Variants in RYR2 observed in about 807,000 individuals in gnomAD.
RYR2 encodes the protein ryanodine receptor 2.
A neutral mutation model predicts 601.1 loss-of-function variants in RYR2; 227 were observed. That is an observed-to-expected ratio of 0.38 (90% CI 0.34 to 0.42). The LOEUF (loss-of-function observed/expected upper bound fraction) is 0.42, where lower values mean the gene tolerates loss of function less well. Among genes scored for constraint, RYR2 ranks in the 10% least tolerant of loss-of-function variants. The pLI, the probability that RYR2 is intolerant of heterozygous loss-of-function variation, is 1.00. For missense variants in RYR2, 4,646 were observed against 6,156.5 expected, an observed-to-expected ratio of 0.75 and a Z score of 8.21; for synonymous variants, 2,223 against 2,175.1, an observed-to-expected ratio of 1.02 and a Z score of -0.61.
intron 1 of RYR2, among the ~76,000 whole-genome samples, chr1:237,121,857 T>C (rs1670821194): frequency 6.6e-6 from 1 of 152,238 alleles, no homozygotes; most frequent in Admixed American, 6.5e-5. Context: ...TTAGATGTGG[T>C]GTATTTGATA....
At chr1:237,522,437 T>G (rs1455618521) in intron 24 of RYR2, among the ~76,000 whole-genome samples, 2 of 152,242 alleles carry the variant, frequency 1.3e-5, no homozygotes, top group Non-Finnish European at 1.5e-5. Context: ...AGATCTAAGG[T>G]CAGGTTCACT....
chr1:237,719,329 A>G (rs186392595), intron 73 of RYR2, among the ~76,000 whole-genome samples: 1 of 152,264 alleles, frequency 6.6e-6, no homozygotes, highest in Admixed American at 6.5e-5. Context: ...TCTATAGGTG[A>G]ATTAGGCCAT....
Position 237,180,614 on chromosome 1 carries a change from A to G in RYR2, c.49-89883A>G, listed in dbSNP as rs200199521. ...TATATATAAGTATATATATGTATAT[A>G]TGTATATATGTATATGTGTATATAT... is the stretch of plus-strand genomic sequence containing the variant. On this transcript the variant is annotated intron_variant, in intron 1 of 104. Transcript: ENST00000366574. This position sits in a 1 kb window ranked among gnomAD's most constrained non-coding sequence, Gnocchi z 5.3. 4.6e-5 allele frequency among the ~76,000 whole-genome samples: 2 copies of G among 43,152 alleles called. No homozygotes were observed. The highest frequency in any genetic ancestry group is 3.4e-4 in the Admixed American group (1 of 2,930). 28.3% of individuals were successfully genotyped at this position (43,152 alleles called of 152,430 possible).
chr1:237,584,647 C>CTGTTTTTTGTTTTT (rs138942009), intron 29 of RYR2, among the ~76,000 whole-genome samples: 23 of 75,768 alleles, frequency 3.0e-4, no homozygotes, highest in East Asian at 8.7e-4. Flanking sequence ...AGCTCACCAC[C>CTGTTTTTTGTTTTT]TGTTTTTTTT....
At chr1:237,723,041 T>G in intron 73 of RYR2, 87 bp from the exon 74 acceptor site, 3 of 1,169,122 alleles carry the variant, frequency 2.6e-6, no homozygotes, top group Non-Finnish European at 3.6e-6. Flanking sequence ...CAATAAATAA[T>G]GATGGGTGGA....
intron 1 of RYR2, among the ~76,000 whole-genome samples, chr1:237,158,921 G>A (rs1256376808): frequency 6.6e-6 from 1 of 152,246 alleles, no homozygotes; most frequent in Non-Finnish European, 1.5e-5. Flanking sequence ...GTTCTGATGT[G>A]ATGTGATCTG....
intron 1 of RYR2, among the ~76,000 whole-genome samples, chr1:237,127,748 G>GGTC (rs1405203224): frequency 6.6e-6 from 1 of 151,388 alleles, no homozygotes; most frequent in East Asian, 2.0e-4. Flanking sequence ...TCCCAGACGG[G>GGTC]GCGGCGGGGC....
Position 237,602,063 on chromosome 1 carries a change from A to G in RYR2, c.4635A>G (p.Ala1545=), listed in dbSNP as rs1559095013. ...CAAAATTATTTCCTGCGGTTTTTGC[A>G]CAAGCTACAAGTCCCAATGTTTTCC... ...PSTKLFPAVF[A]QATSPNVFQF... The change falls in exon 35 of 105, where the codon GCA becomes GCG. Residue 1545 remains alanine, a synonymous_variant. Coordinates refer to ENST00000366574, the MANE Select transcript of RYR2 (RefSeq NM_001035.3). 1 of 1,613,170 alleles carries G rather than the reference A, an allele frequency of 6.2e-7. No homozygotes were observed. Among genetic ancestry groups the G allele is most frequent in the Non-Finnish European group, 8.5e-7 (1 of 1,179,450 alleles).
chr1:237,296,302 T>C (rs1034061773), intron 2 of RYR2, among the ~76,000 whole-genome samples: 3 of 152,160 alleles, frequency 2.0e-5, no homozygotes, highest in Non-Finnish European at 1.5e-5. Context: ...TTAAATTCAA[T>C]GGAAAGCTGT....
intron 5 of RYR2, among the ~76,000 whole-genome samples, chr1:237,365,530 TATG>T (rs1700115756): frequency 6.6e-6 from 1 of 152,250 alleles, no homozygotes; most frequent in African/African-American, 2.4e-5. Flanking sequence ...TAGAAAATAT[TATG>T]ATCACATTTT....
At chr1:237,633,780 T>G in intron 43 of RYR2, 70 bp downstream of exon 43, 1 of 1,461,348 alleles carries the variant, frequency 6.8e-7, no homozygotes, top group Non-Finnish European at 9.2e-7. Flanking sequence ...AAGCAAACGT[T>G]TTGTTAAAAA....
chr1:237,339,381 T>C lies in RYR2; in HGVS notation c.273+8399T>C, dbSNP rs564566611. Among the ~76,000 whole-genome samples the C allele has an allele frequency of 2.2e-4, 34 of 152,312 alleles. No individual in the cohort carries two copies. The South Asian group carries it at 6.4e-3, about 29-fold the overall frequency. On this transcript the variant is annotated intron_variant, in intron 3 of 104. Transcript: ENST00000366574. ...AAAAGTAATTAGTGTCTATTATGCA[T>C]GCAATATGCAAATATACTTAAATTT...
intron 26 of RYR2, 81 bp from the exon 27 acceptor site, chr1:237,550,463 A>T: frequency 6.7e-7 from 1 of 1,495,330 alleles, no homozygotes; most frequent in Non-Finnish European, 9.1e-7. Context: ...ATGGAATTTA[A>T]AGTTTGATGT....
At chr1:237,698,840 TA>T (rs1455476570) in intron 63 of RYR2, 124 bp from the exon 64 acceptor site, 6 of 557,576 alleles carry the variant, frequency 1.1e-5, no homozygotes, top group African/African-American at 3.8e-5. Flanking sequence ...ACTTGATTAT[TA>T]AAAAACCTTT....
chr1:237,166,443 A>G (rs1308928999), intron 1 of RYR2, among the ~76,000 whole-genome samples: 1 of 152,208 alleles, frequency 6.6e-6, no homozygotes, highest in East Asian at 1.9e-4. Context: ...TATTCTTTAC[A>G]ATAAAATTTA....
At chr1:237,321,234 A>T (rs1251257818) in intron 2 of RYR2, among the ~76,000 whole-genome samples, 4 of 152,082 alleles carry the variant, frequency 2.6e-5, no homozygotes, top group African/African-American at 9.7e-5. Context: ...TTAAAAAGTG[A>T]TATAGCTATT....
intron 100 of RYR2, among the ~76,000 whole-genome samples, chr1:237,814,965 C>CTTTTT (rs11314213): frequency 9.3e-4 from 87 of 93,880 alleles, no homozygotes; most frequent in Middle Eastern, 6.3e-3. Context: ...TTTCTTTTTT[C>CTTTTT]TTTTTTTTTT....
At chr1:237,325,446 T>G (rs1696058563) in intron 2 of RYR2, among the ~76,000 whole-genome samples, 1 of 152,032 alleles carries the variant, frequency 6.6e-6, no homozygotes. Context: ...CCCAGCACTT[T>G]GGGAGGCCGA....
At chr1:237,546,611 C>A (rs1669834130) in intron 25 of RYR2, among the ~76,000 whole-genome samples, 1 of 152,014 alleles carries the variant, frequency 6.6e-6, no homozygotes, top group African/African-American at 2.4e-5. Flanking sequence ...GAACTCCTGA[C>A]CTCAAGCGAT....
Sources: gnomAD v4.1 joint callset for allele counts (sites outside exome capture counted in the v4.1 genomes callset) on GRCh38, gnomAD v4.1.1 for gene constraint, Gnocchi (gnomAD v3.1) non-coding constraint, MANE v1.5 for transcripts, NCBI Gene and HGNC (gene_info 2026-07-23, HGNC 2026-07-21) for gene names.